The following WBP11 variants were observed in gnomAD, a reference collection of about 807,000 sequenced individuals.
WBP11 encodes WW domain binding protein 11.
A neutral mutation model predicts 66.7 loss-of-function variants in WBP11; 12 were observed. The observed-to-expected ratio is 0.18, with a 90% CI of 0.12 to 0.29. The LOEUF is 0.29. Ranked by LOEUF, WBP11 falls within the 10% of genes least tolerant of loss-of-function variation. WBP11 has a pLI of 1.00. For missense variants in WBP11, 555 were observed against 818.3 expected, an observed-to-expected ratio of 0.68 and a Z score of 3.93; for synonymous variants, 255 against 273.8, an observed-to-expected ratio of 0.93 and a Z score of 0.68.
At chr12:14,798,485 A>G (rs1458144469) in intron 4 of WBP11, among the ~76,000 whole-genome samples, 1 of 152,196 alleles carries the variant, frequency 6.6e-6, no homozygotes, top group Non-Finnish European at 1.5e-5. Flanking sequence ...TCATTTAAAG[A>G]AGGATTCCCT....
chr12:14,802,708 G>A (rs1949980549), intron 1 of WBP11, among the ~76,000 whole-genome samples: 1 of 151,530 alleles, frequency 6.6e-6, no homozygotes. Flanking sequence ...GGGTTAGGGG[G>A]GTGGGAGAGC....
In WBP11 at chr12:14,785,589, A is replaced by T. The variant is rs1949744844; in HGVS notation, c.*1476T>A. On this transcript the variant is annotated 3_prime_UTR_variant, in exon 12 of 12. Coordinates refer to ENST00000261167, the MANE Select transcript of WBP11 (RefSeq NM_016312.3). ...TTGCTTTAATATGAAAGAATAAATC[A>T]GTATCTTCCAAGCAAAGCCAAACAA... The T allele has an allele frequency of 1.3e-5, 2 of 152,256 alleles. No homozygotes were observed. The highest frequency in any genetic ancestry group is 1.3e-4 in the Admixed American group (2 of 15,284). 9.4% of individuals were successfully genotyped at this position (152,256 alleles called of 1,614,324 possible).
chr12:14,791,124 T>G, intron 9 of WBP11, 45 bp downstream of exon 9: 1 of 1,564,628 alleles, frequency 6.4e-7, no homozygotes. Context: ...GTAATTAGCG[T>G]GAGGATACAC....
rs1463529285 is a variant in WBP11 at position 14,803,477 on chromosome 12, G to A, written c.-171C>T. ...TCAGCTACCGCCATCTTGAAACCTC[G>A]CGCCCCTCCGCACTCCTCACGTCAT... On this transcript the variant is annotated 5_prime_UTR_variant, in exon 1 of 12. Coordinates refer to ENST00000261167, the MANE Select transcript of WBP11 (RefSeq NM_016312.3). 2.3e-5 allele frequency: 9 copies of A among 398,538 alleles called. No individual in the cohort carries two copies. The South Asian group carries it at 5.1e-4, about 23-fold the overall frequency. The allele number at this position is 398,538 out of a possible 1,614,324, so 24.7% of individuals were successfully genotyped here.
chr12:14,790,365 G>C, intron 10 of WBP11, 91 bp downstream of exon 10: 1 of 1,469,614 alleles, frequency 6.8e-7, no homozygotes, highest in African/African-American at 1.4e-5. Flanking sequence ...GAGGAAACAA[G>C]AAAACATGAA....
Position 14,785,308 on chromosome 12 carries a change from A to T in WBP11, c.*1757T>A, listed in dbSNP as rs367700189. ...TAAAAACATCACTCCCAGAAAGAAT[A>T]TAAGTTTCAAGTAAGACCATTAAAA... On this transcript the variant is annotated 3_prime_UTR_variant, in exon 12 of 12. Transcript: ENST00000261167. 6.6e-6 allele frequency: 1 copy of T among 152,202 alleles called. No individual in the cohort carries two copies. Among genetic ancestry groups the T allele is most frequent in the Non-Finnish European group, 1.5e-5 (1 of 68,042 alleles). The allele number at this position is 152,202 out of a possible 1,614,324, so 9.4% of individuals were successfully genotyped here. A position where few individuals can be genotyped will look rare whatever the true frequency, so the allele number is the denominator to read the frequency against.
At position 14,794,628 on chromosome 12, in the gene WBP11, T is replaced by G; in HGVS notation, c.630A>C (p.Gln210His). Residue 210 changes from glutamine (Q) to histidine (H), a missense_variant, in exon 7 of 12, where the codon CAA (glutamine) becomes CAC (histidine). Coordinates refer to ENST00000261167, the MANE Select transcript of WBP11 (RefSeq NM_016312.3). ...CTTTACGGCCATACATCTGCACGAC[T>G]TGAGGAGGAGGTGGACCAGGGGGAG... is the stretch of plus-strand genomic sequence containing the variant. ...PGPPPGPPPP[Q>H]VVQMYGRKVG... is the part of the protein sequence containing the mutation. 1 of 1,613,844 alleles carries G rather than the reference T, an allele frequency of 6.2e-7. No homozygotes were observed. The highest frequency in any genetic ancestry group is 1.1e-5 in the South Asian group (1 of 91,064).
chr12:14,796,398 G>A lies in WBP11; in HGVS notation c.387+409C>T, dbSNP rs1592220871. Among the ~76,000 whole-genome samples the A allele has an allele frequency of 6.6e-6, 1 of 152,108 alleles. No homozygotes were observed. The highest frequency in any genetic ancestry group is 1.5e-5 in the Non-Finnish European group (1 of 67,994). ...TAGTTTTAGAAGAAACTGCTATAAG[G>A]AAGAGGTTCAACATGACATTCTCCC... On this transcript the variant is annotated intron_variant, in intron 5 of 11. Transcript: ENST00000261167. The surrounding 1 kb of genome is among the most constrained non-coding windows in gnomAD (Gnocchi z 4.5).
At chr12:14,792,900 C>T (rs1949838061) in intron 8 of WBP11, among the ~76,000 whole-genome samples, 1 of 151,422 alleles carries the variant, frequency 6.6e-6, no homozygotes, top group African/African-American at 2.4e-5. Flanking sequence ...GGCAAGAGAC[C>T]ACACAGACCC....
chr12:14,794,705 G>C lies in WBP11; in HGVS notation c.553C>G (p.Leu185Val). ...AAACGTGGAACACCATGTCCAAGAA[G>C]AGGAAGGATAGAAACTGCCCGAGTT... is the stretch of plus-strand genomic sequence containing the variant. ...PPTRAVSILP[L>V]LGHGVPRLPP... Residue 185 changes from leucine to valine, a missense_variant, in exon 7 of 12, where the codon CTT (leucine) becomes GTT (valine). Leu to Val is a conservative substitution (Grantham distance 32, BLOSUM62 1). Coordinates refer to ENST00000261167, the MANE Select transcript of WBP11 (RefSeq NM_016312.3). The C allele has an allele frequency of 6.3e-7, 1 of 1,586,100 alleles. No individual in the cohort carries two copies.
intron 9 of WBP11, 140 bp from the exon 10 acceptor site, chr12:14,790,889 G>A (rs936657933): frequency 5.8e-6 from 5 of 857,894 alleles, no homozygotes; most frequent in Non-Finnish European, 8.9e-6. Context: ...AAAATACTTA[G>A]ATGTGAAAGA....
rs761641176 is a variant in WBP11 at position 14,787,234 on chromosome 12, C to T, written c.1757G>A (p.Arg586His). The T allele has an allele frequency of 2.5e-6, 4 of 1,614,180 alleles. No individual in the cohort carries two copies. Among genetic ancestry groups the T allele is most frequent in the Non-Finnish European group, 2.5e-6 (3 of 1,180,040 alleles). Residue 586 changes from arginine to histidine, a missense_variant, in exon 12 of 12, where the codon CGT becomes CAT. Arg to His is a conservative substitution (Grantham distance 29). Transcript: ENST00000261167. The stretch of plus-strand genomic sequence containing the variant: ...AGCAGTAGCCCCTTTATTCTCCCGA[C>T]GTACTCTCAGTGCAGTGGGCACAAA... The part of the protein sequence containing the change: ...TRFVPTALRV[R>H]RENKGATAAP...
At chr12:14,799,832 C>T (rs1034992294) in intron 3 of WBP11, 104 bp from the exon 4 acceptor site, 4 of 1,034,618 alleles carry the variant, frequency 3.9e-6, no homozygotes, top group Non-Finnish European at 5.4e-6. Flanking sequence ...CTTCTGATCA[C>T]TTGTTTCAAC....
rs1200479838 is a variant in WBP11, at chr12:14,791,262, C to A, written c.922G>T (p.Val308Leu). The part of the protein sequence containing the change: ...NNEEKKSGLS[V>L]RFADMPGKSR... ...TTTCCAGGCATATCTGCAAACCGTA[C>A]ACTCAGACCTAAGGGGACAAAGGAG... The change falls in exon 9 of 12, where the codon GTA becomes TTA. Residue 308 changes from valine (V) to leucine (L), a missense_variant. Physicochemically the swap from Val to Leu is conservative, Grantham distance 32 (BLOSUM62 1). This residue lies in a region of WBP11 where 220 missense variants were observed against 268.2 expected (regional missense o/e 0.82). Coordinates refer to ENST00000261167, the MANE Select transcript of WBP11 (RefSeq NM_016312.3). The A allele has an allele frequency of 1.2e-6, 2 of 1,613,958 alleles. No individual in the cohort carries two copies. Among genetic ancestry groups the A allele is most frequent in the Non-Finnish European group, 1.7e-6 (2 of 1,179,940 alleles).
chr12:14,792,716 C>T (rs1308543462), intron 8 of WBP11, among the ~76,000 whole-genome samples: 1 of 151,768 alleles, frequency 6.6e-6, no homozygotes, highest in African/African-American at 2.4e-5. Flanking sequence ...GCCTGTAATC[C>T]CAGCTACTTG....
intron 9 of WBP11, 141 bp from the exon 10 acceptor site, chr12:14,790,890 A>G (rs575535598): frequency 2.3e-6 from 2 of 856,074 alleles, no homozygotes; most frequent in Admixed American, 2.8e-5. Flanking sequence ...AAATACTTAG[A>G]TGTGAAAGAA....
chr12:14,794,000 T>G, intron 7 of WBP11, 78 bp from the exon 8 acceptor site: 9 of 1,138,864 alleles, frequency 7.9e-6, no homozygotes, highest in Non-Finnish European at 1.1e-5. Flanking sequence ...TACAGAAAAT[T>G]ATGCTATTCA....
chr12:14,794,707 G>A lies in WBP11; in HGVS notation c.551C>T (p.Pro184Leu), dbSNP rs755762735. Residue 184 changes from proline to leucine, a missense_variant, in exon 7 of 12, where the codon CCT becomes CTT. By Grantham distance (98) the Pro-to-Leu change is moderately conservative (BLOSUM62 -3). This residue lies in a region of WBP11 where 220 missense variants were observed against 268.2 expected (regional missense o/e 0.82). Transcript: ENST00000261167. ...ACGTGGAACACCATGTCCAAGAAGA[G>A]GAAGGATAGAAACTGCCCGAGTTGG... ...GPPTRAVSIL[P>L]LLGHGVPRLP... 2 of 1,583,166 alleles carry A rather than the reference G, an allele frequency of 1.3e-6. No individual in the cohort carries two copies. The highest frequency in any genetic ancestry group is 1.2e-5 in the South Asian group (1 of 86,064).
chr12:14,787,867 T>G (rs531931520), intron 11 of WBP11, among the ~76,000 whole-genome samples: 1 of 152,330 alleles, frequency 6.6e-6, no homozygotes, highest in South Asian at 2.1e-4. Flanking sequence ...CTGATCCCCA[T>G]GCATTATATT....
Sources: gnomAD v4.1 joint callset for allele counts (sites outside exome capture counted in the v4.1 genomes callset) on GRCh38, gnomAD v4.1.1 for gene constraint, gnomAD v4.1.1 regional missense constraint, Gnocchi (gnomAD v3.1) non-coding constraint, MANE v1.5 for transcripts, NCBI Gene and HGNC (gene_info 2026-07-23, HGNC 2026-07-21) for gene names.